SLC35D4: variants seen among roughly 807,000 people sequenced by gnomAD.
The protein encoded by SLC35D4 is solute carrier family 35 member D4.
the SLC35D4 span, among the ~76,000 whole-genome samples, chr18:23,380,965 T>A: frequency 1.3e-5 from 2 of 152,198 alleles, no homozygotes; most frequent in East Asian, 3.9e-4. Context: ...CTACACATAG[T>A]AGACAAAATA....
At chr18:23,385,155 G>C in the SLC35D4 span, 1 of 1,336,772 alleles carries the variant, frequency 7.5e-7, no homozygotes, top group Non-Finnish European at 1.0e-6. Flanking sequence ...AAAATAAAGA[G>C]CTGTGGAAAC....
the SLC35D4 span, among the ~76,000 whole-genome samples, chr18:23,426,015 A>G: frequency 7.3e-3 from 1,108 of 152,316 alleles, 10 homozygotes; most frequent in African/African-American, 0.026. Context: ...AGGATTATAG[A>G]ATAAATGAGG....
chr18:23,258,162 G>T, the SLC35D4 span: 1 of 152,434 alleles, frequency 6.6e-6, no homozygotes, highest in Non-Finnish European at 1.5e-5. Context: ...GACGTGGAGC[G>T]TGGCGCTCTG....
chr18:23,348,340 A>G, the SLC35D4 span, among the ~76,000 whole-genome samples: 76 of 152,340 alleles, frequency 5.0e-4, no homozygotes, highest in Non-Finnish European at 9.8e-4. Flanking sequence ...AATGTCAGTT[A>G]TGTCAATTGG....
At chr18:23,351,815 T>C in the SLC35D4 span, among the ~76,000 whole-genome samples, 1 of 152,230 alleles carries the variant, frequency 6.6e-6, no homozygotes, top group South Asian at 2.1e-4. Context: ...CAGAGGTTGT[T>C]CTTAGAATAA....
At chr18:23,362,953 T>A in the SLC35D4 span, among the ~76,000 whole-genome samples, 1 of 152,118 alleles carries the variant, frequency 6.6e-6, no homozygotes, top group African/African-American at 2.4e-5. Context: ...TAAAAATTAT[T>A]CACCCAGCCG....
chr18:23,270,327 C>T, the SLC35D4 span, among the ~76,000 whole-genome samples: 3 of 152,230 alleles, frequency 2.0e-5, no homozygotes, highest in African/African-American at 7.2e-5. Context: ...TGGGAACCTC[C>T]ATCTAGATTT....
At chr18:23,301,521 G>A in the SLC35D4 span, among the ~76,000 whole-genome samples, 1 of 152,166 alleles carries the variant, frequency 6.6e-6, no homozygotes, top group Non-Finnish European at 1.5e-5. Flanking sequence ...CCTCAGTGTT[G>A]GTGAGGTTTG....
At chr18:23,373,671 T>A in the SLC35D4 span, 1 of 1,609,048 alleles carries the variant, frequency 6.2e-7, no homozygotes. Flanking sequence ...CTTCAGAGAA[T>A]AAAAGACACT....
chr18:23,342,189 T>C, the SLC35D4 span, among the ~76,000 whole-genome samples: 7 of 152,200 alleles, frequency 4.6e-5, no homozygotes, highest in Admixed American at 4.6e-4. Context: ...GTTTGAAAGT[T>C]TCCATTAGCC....
the SLC35D4 span, among the ~76,000 whole-genome samples, chr18:23,366,495 C>T: frequency 2.0e-5 from 3 of 152,198 alleles, no homozygotes; most frequent in Non-Finnish European, 2.9e-5. Flanking sequence ...TAAACCCTGG[C>T]TGCATATCAG....
chr18:23,431,617 A>T, the SLC35D4 span, among the ~76,000 whole-genome samples: 2 of 152,044 alleles, frequency 1.3e-5, 1 homozygote, highest in South Asian at 4.2e-4. Context: ...TGTTTGCATT[A>T]AATGATTTTT....
the SLC35D4 span, among the ~76,000 whole-genome samples, chr18:23,275,003 T>TTA: frequency 6.5e-5 from 2 of 31,000 alleles, no homozygotes; most frequent in Non-Finnish European, 1.1e-4. Context: ...GTGAGCGTGC[T>TTA]TGTGTATGTG....
the SLC35D4 span, among the ~76,000 whole-genome samples, chr18:23,351,502 G>GT: frequency 3.9e-5 from 6 of 151,920 alleles, no homozygotes; most frequent in Non-Finnish European, 8.8e-5. Flanking sequence ...AATGTTTGAG[G>GT]TTTTTTTTCT....
chr18:23,324,669 T>C, the SLC35D4 span, among the ~76,000 whole-genome samples: 1 of 152,168 alleles, frequency 6.6e-6, no homozygotes, highest in Non-Finnish European at 1.5e-5. Flanking sequence ...CTGAATGTTA[T>C]GGGAACAAAC....
At chr18:23,431,153 CAAAAAAAAAAA>C in the SLC35D4 span, among the ~76,000 whole-genome samples, 6 of 66,248 alleles carry the variant, frequency 9.1e-5, no homozygotes, top group South Asian at 1.4e-3. Flanking sequence ...GAGTATATCT[CAAAAAAAAAAA>C]AAAAAAAAAA....
the SLC35D4 span, among the ~76,000 whole-genome samples, chr18:23,359,777 G>T: frequency 6.6e-6 from 1 of 152,110 alleles, no homozygotes; most frequent in South Asian, 2.1e-4. Flanking sequence ...TGCTCCTCTT[G>T]TTCCGTGAAA....
chr18:23,300,067 A>C, the SLC35D4 span, among the ~76,000 whole-genome samples: 2 of 151,896 alleles, frequency 1.3e-5, no homozygotes, highest in African/African-American at 4.8e-5. Context: ...CAACGACCCT[A>C]TTTGGGAACG....
At chr18:23,411,537 GAAAGAAAGAAAGA>G in the SLC35D4 span, among the ~76,000 whole-genome samples, 7 of 150,906 alleles carry the variant, frequency 4.6e-5, no homozygotes, top group Non-Finnish European at 8.9e-5. Flanking sequence ...AAGAAAGAAA[GAAAGAAAGAAAGA>G]AAGGTGTGTG....
Sources: allele counts gnomAD v4.1 joint callset (sites outside exome capture counted in the v4.1 genomes callset), GRCh38; gene constraint gnomAD v4.1.1; transcripts MANE v1.5; gene names NCBI Gene and HGNC (gene_info 2026-07-23, HGNC 2026-07-21).